The following PCBP3 variants were observed in gnomAD, a reference collection of about 807,000 sequenced individuals.
PCBP3 encodes poly(rC) binding protein 3.
In PCBP3, 25 loss-of-function variants were observed where a neutral mutation model predicts 52.7. The observed-to-expected ratio is 0.47, with a 90% CI of 0.35 to 0.66. The LOEUF (loss-of-function observed/expected upper bound fraction) is 0.66. PCBP3 is among the 30% of genes least tolerant of loss of function. The probability of loss-of-function intolerance (pLI) is 0.01; values close to 1 mark genes in which losing one functional copy is unlikely to be tolerated. For missense variants in PCBP3, 391 were observed against 490.3 expected (o/e 0.80, Z 1.91); for synonymous variants, 162 against 183.0 (o/e 0.89, Z 0.93).
intron 5 of PCBP3, among the ~76,000 whole-genome samples, chr21:45,882,792 G>A (rs978788566): frequency 6.6e-5 from 10 of 152,118 alleles, no homozygotes; most frequent in Non-Finnish European, 7.4e-5. Context: ...GTCCTTCCCC[G>A]TGTGTGTTCC....
In PCBP3 at chr21:45,929,859, G is replaced by A. The variant is rs574005542; in HGVS notation, c.718-58G>A. On this transcript the variant is annotated intron_variant, in intron 13 of 17. Transcript: ENST00000681687. Reference sequence around the variant, plus strand: ...GTTCTGTTACTGCCGTTTTAATTTGGTGTGACTTGTACTCGATGACAATAA... The same window carrying A: ...GTTCTGTTACTGCCGTTTTAATTTGATGTGACTTGTACTCGATGACAATAA... 5 of 1,281,214 alleles carry A rather than the reference G, an allele frequency of 3.9e-6. No individual in the cohort carries two copies. In the East Asian group the frequency reaches 6.9e-5, roughly 18 times the overall value. 79.4% of individuals were successfully genotyped at this position (1,281,214 alleles called of 1,614,324 possible). A position where few individuals can be genotyped will look rare whatever the true frequency, so the allele number is the denominator to read the frequency against.
intron 4 of PCBP3, among the ~76,000 whole-genome samples, chr21:45,757,737 A>G (rs1452409290): frequency 2.0e-5 from 3 of 152,150 alleles, no homozygotes; most frequent in African/African-American, 7.2e-5. Context: ...ATTCTTTTGC[A>G]TGGGGATATT....
chr21:45,689,128 T>TA (rs2082320319), intron 2 of PCBP3, among the ~76,000 whole-genome samples: 2 of 151,704 alleles, frequency 1.3e-5, no homozygotes, highest in Non-Finnish European at 2.9e-5. Context: ...TATTCCAAGA[T>TA]AAAAAACACC....
At chr21:45,806,419 C>T (rs935750750) in intron 4 of PCBP3, among the ~76,000 whole-genome samples, 11 of 150,944 alleles carry the variant, frequency 7.3e-5, no homozygotes, top group Non-Finnish European at 1.5e-4. Flanking sequence ...GGCACATAAC[C>T]GCACCCTGGC....
At chr21:45,899,365 G>A (rs1193493469) in intron 6 of PCBP3, among the ~76,000 whole-genome samples, 1 of 152,178 alleles carries the variant, frequency 6.6e-6, no homozygotes, top group Admixed American at 6.5e-5. Flanking sequence ...TCTCTGTCCT[G>A]GTCAGGTGGG....
intron 5 of PCBP3, among the ~76,000 whole-genome samples, chr21:45,876,420 G>A (rs2095258371): frequency 6.6e-6 from 1 of 152,218 alleles, no homozygotes; most frequent in South Asian, 2.1e-4. Context: ...AGACCAGTGT[G>A]GCTGGGCCGC....
rs146569781 is a variant in PCBP3 at position 45,867,031 on chromosome 21, T to C, written c.10+16936T>C. On this transcript the variant is annotated intron_variant, in intron 5 of 17. Coordinates refer to ENST00000681687, the MANE Select transcript of PCBP3 (RefSeq NM_001384156.1). ...TTTAAATTAATGGGCATGGGAAGAC[T>C]ATTCAGTGAAAGACATCGGTCATTG... Among the ~76,000 whole-genome samples, 346 of 152,352 alleles carry C rather than the reference T, an allele frequency of 2.3e-3. 1 individual carries two copies. Among genetic ancestry groups the C allele is most frequent in the African/African-American group, 7.4e-3 (307 of 41,582 alleles).
chr21:45,895,289 C>A (rs770270068), intron 5 of PCBP3, among the ~76,000 whole-genome samples: 20 of 152,216 alleles, frequency 1.3e-4, no homozygotes, highest in Non-Finnish European at 2.5e-4. Context: ...TCTGTGTGAA[C>A]CGGTTGAATC....
chr21:45,719,724 T>C lies in PCBP3; in HGVS notation c.-199-15668T>C, dbSNP rs552671292. ...AGGCCTCCCCAGCATTGTGGAACTG[T>C]GAGTCAATTAAACTTCTTTTCTTTA... On this transcript the variant is annotated intron_variant, in intron 2 of 17. Transcript: ENST00000681687. Among the ~76,000 whole-genome samples, 13 of 152,326 alleles carry C rather than the reference T, an allele frequency of 8.5e-5. No homozygotes were observed. In the South Asian group the frequency reaches 2.5e-3, roughly 29 times the overall value.
rs191089117 is a variant in PCBP3, at chr21:45,910,776, G to A, written c.472-126G>A. Reference sequence around the variant, plus strand: ...CTGGGATGGCGGTGGGGGAGGGGGCGCGTGGGCTGTATGCAGGTTTCCAAG... The same window carrying A: ...CTGGGATGGCGGTGGGGGAGGGGGCACGTGGGCTGTATGCAGGTTTCCAAG... On this transcript the variant is annotated intron_variant, in intron 10 of 17. Coordinates refer to ENST00000681687, the MANE Select transcript of PCBP3 (RefSeq NM_001384156.1). 193 of 861,422 alleles carry A rather than the reference G, an allele frequency of 2.2e-4. 1 individual carries two copies. The highest frequency in any genetic ancestry group is 1.4e-3 in the African/African-American group (82 of 59,022). 53.4% of individuals were successfully genotyped at this position (861,422 alleles called of 1,614,324 possible).
intron 2 of PCBP3, among the ~76,000 whole-genome samples, chr21:45,678,829 C>G (rs2081632359): frequency 6.6e-6 from 1 of 151,830 alleles, no homozygotes; most frequent in African/African-American, 2.4e-5. Context: ...AGGACTGACT[C>G]CAATTTTGAA....
intron 1 of PCBP3, among the ~76,000 whole-genome samples, chr21:45,654,857 C>G (rs1001152470): frequency 1.3e-5 from 2 of 152,148 alleles, no homozygotes; most frequent in Admixed American, 1.3e-4. Context: ...AAACCTCATA[C>G]ACAGTAACTA....
intron 5 of PCBP3, chr21:45,893,752 C>T (rs1020130064): frequency 1.6e-5 from 16 of 985,428 alleles, no homozygotes; most frequent in Non-Finnish European, 1.9e-5. Context: ...TGGACCAGAG[C>T]TCTGCCTGTT....
chr21:45,710,110 GTTTGTCAGA>G (rs1322518043), intron 2 of PCBP3, among the ~76,000 whole-genome samples: 3 of 152,136 alleles, frequency 2.0e-5, no homozygotes, highest in Non-Finnish European at 4.4e-5. Flanking sequence ...GCTGAGGTGT[GTTTGTCAGA>G]TTTCTTCACT....
chr21:45,644,337 C>T (rs921176984), intron 1 of PCBP3, among the ~76,000 whole-genome samples: 1 of 151,706 alleles, frequency 6.6e-6, no homozygotes, highest in Non-Finnish European at 1.5e-5. Context: ...GCCGGGAGAG[C>T]GCGGCCTCAC....
chr21:45,708,765 G>A (rs1448376645), intron 2 of PCBP3, among the ~76,000 whole-genome samples: 2 of 152,226 alleles, frequency 1.3e-5, no homozygotes, highest in Non-Finnish European at 2.9e-5. Flanking sequence ...TGTGATTCAT[G>A]TGGGTTCCGT....
chr21:45,814,429 CTGAGTGA>C (rs1398118709), intron 4 of PCBP3, among the ~76,000 whole-genome samples: 2 of 60,332 alleles, frequency 3.3e-5, no homozygotes, highest in East Asian at 5.0e-4. Context: ...TGAGTGGTGA[CTGAGTGA>C]TGAGTGGTGA....
At chr21:45,908,609 G>A (rs1008941772) in intron 9 of PCBP3, among the ~76,000 whole-genome samples, 44 of 150,838 alleles carry the variant, frequency 2.9e-4, no homozygotes, top group African/African-American at 1.0e-3. Flanking sequence ...CGCGCTGTCC[G>A]CCACGCTCTG....
At chr21:45,901,274 G>A (rs1261836592) in intron 9 of PCBP3, 161 bp downstream of exon 9, 4 of 624,848 alleles carry the variant, frequency 6.4e-6, no homozygotes, top group East Asian at 5.4e-5. Context: ...GGGCCTCTCC[G>A]CAGCTCTGGT....
Sources: allele counts gnomAD v4.1 joint callset (sites outside exome capture counted in the v4.1 genomes callset), GRCh38; gene constraint gnomAD v4.1.1; transcripts MANE v1.5; gene names NCBI Gene and HGNC (gene_info 2026-07-23, HGNC 2026-07-21).